The following CAMTA1 variants were observed in gnomAD, a reference collection of about 807,000 sequenced individuals.
The protein encoded by CAMTA1 is calmodulin-binding transcription activator 1.
A neutral mutation model predicts 170.9 loss-of-function variants in CAMTA1; 27 were observed. That is an observed-to-expected ratio of 0.16 (90% confidence interval 0.12 to 0.22). CAMTA1 has a LOEUF of 0.22. Ranked by LOEUF, CAMTA1 falls within the 10% of genes least tolerant of loss-of-function variation. CAMTA1 has a pLI of 1.00. For synonymous variants in CAMTA1, 833 were observed against 891.5 expected, an observed-to-expected ratio of 0.93 and a Z score of 1.17; for missense variants, 1,619 against 2,217.2, an observed-to-expected ratio of 0.73 and a Z score of 5.42.
At chr1:7,129,640 A>G (rs1558141896) in intron 4 of CAMTA1, among the ~76,000 whole-genome samples, 1 of 152,108 alleles carries the variant, frequency 6.6e-6, no homozygotes, top group Non-Finnish European at 1.5e-5. Context: ...TTATAGTTTT[A>G]TCAAGATGTA....
intron 3 of CAMTA1, among the ~76,000 whole-genome samples, chr1:6,955,327 C>T (rs1325160277): frequency 4.6e-5 from 7 of 152,158 alleles, no homozygotes; most frequent in East Asian, 1.9e-4. Context: ...TCTTCCCTGG[C>T]GCCAGAGGCA....
chr1:7,703,318 G>A (rs1248000385), intron 11 of CAMTA1, among the ~76,000 whole-genome samples: 3 of 152,136 alleles, frequency 2.0e-5, no homozygotes, highest in Non-Finnish European at 4.4e-5. Flanking sequence ...GGGCGGGCGA[G>A]GGGTAGACAG....
At chr1:7,553,437 T>G (rs1471921824) in intron 6 of CAMTA1, among the ~76,000 whole-genome samples, 1 of 152,208 alleles carries the variant, frequency 6.6e-6, no homozygotes, top group Admixed American at 6.5e-5. Flanking sequence ...CTGCCACGTG[T>G]AGGGGCTGAG....
intron 7 of CAMTA1, among the ~76,000 whole-genome samples, chr1:7,659,305 G>A (rs568970896): frequency 6.6e-6 from 1 of 152,206 alleles, no homozygotes; most frequent in Non-Finnish European, 1.5e-5. Flanking sequence ...GAGGCCAAAG[G>A]GGGGTGGATC....
chr1:7,113,472 G>A lies in CAMTA1; in HGVS notation c.302+22101G>A, dbSNP rs137920694. On this transcript the variant is annotated intron_variant, in intron 4 of 22. Transcript: ENST00000303635. The surrounding 1 kb of genome is among the most constrained non-coding windows in gnomAD (Gnocchi z 4.5). ...AGAGAAGGATCTAGGGGCCAGAGTG[G>A]CTCCCGGTCAGTGTCTAGGAATGGA... Among the ~76,000 whole-genome samples the A allele has an allele frequency of 1.4e-3, 207 of 152,286 alleles. 1 individual carries two copies. Among genetic ancestry groups the A allele is most frequent in the Non-Finnish European group, 2.2e-3 (153 of 68,026 alleles).
chr1:7,721,842 G>A (rs536597360), intron 11 of CAMTA1, among the ~76,000 whole-genome samples: 6 of 152,178 alleles, frequency 3.9e-5, no homozygotes, highest in African/African-American at 1.4e-4. Flanking sequence ...TTGAACTCCC[G>A]ACCTCAGGTG....
At chr1:7,270,804 G>T (rs1346281585) in intron 5 of CAMTA1, among the ~76,000 whole-genome samples, 5 of 152,192 alleles carry the variant, frequency 3.3e-5, no homozygotes, top group Non-Finnish European at 7.4e-5. Flanking sequence ...AACATAGTAA[G>T]ACCCTGTCTC....
Position 7,196,201 on chromosome 1 carries a change from T to G in CAMTA1, c.303-53290T>G, listed in dbSNP as rs1248917463. ...AAGTGTGTGGCACTTCCCCCTTAGCTCTCTCTCTCTCTCTCTCCTACTCCA... is the reference window on the plus strand; with the variant it reads ...AAGTGTGTGGCACTTCCCCCTTAGCGCTCTCTCTCTCTCTCTCCTACTCCA... On this transcript the variant is annotated intron_variant, in intron 4 of 22. Coordinates refer to ENST00000303635, the MANE Select transcript of CAMTA1 (RefSeq NM_015215.4). Among the ~76,000 whole-genome samples the G allele has an allele frequency of 2.7e-5, 4 of 150,922 alleles. No homozygotes were observed. The South Asian group carries it at 6.3e-4, about 24-fold the overall frequency.
rs12075812 is a variant in CAMTA1, at chr1:7,334,763, G to A, written c.438+85137G>A. On this transcript the variant is annotated intron_variant, in intron 5 of 22. Transcript: ENST00000303635. ...TGACGGTGTCTGAGGCCTTCCGGTC[G>A]CCTTTTCCTAGGCTGTCATTCGGTA... Among the ~76,000 whole-genome samples the A allele has an allele frequency of 6.0e-3, 908 of 152,226 alleles. 6 individuals carry two copies. Among genetic ancestry groups the A allele is most frequent in the African/African-American group, 0.02 (812 of 41,524 alleles).
At chr1:7,569,113 A>G (rs929772557) in intron 6 of CAMTA1, among the ~76,000 whole-genome samples, 2 of 151,348 alleles carry the variant, frequency 1.3e-5, no homozygotes, top group Non-Finnish European at 2.9e-5. Context: ...TGTCATCATC[A>G]CCACCATCAC....
Position 7,035,449 on chromosome 1 carries a change from T to A in CAMTA1, c.235-55855T>A, listed in dbSNP as rs897671738. On this transcript the variant is annotated intron_variant, in intron 3 of 22. Transcript: ENST00000303635. The stretch of plus-strand genomic sequence containing the variant: ...ATTGCTTCATTAAGGAATTCTAAAG[T>A]AAAACTGGCAAAGCGTGTGTGCATG... Among the ~76,000 whole-genome samples, 3 of 152,168 alleles carry A rather than the reference T, an allele frequency of 2.0e-5. No homozygotes were observed. The South Asian group carries it at 6.2e-4, about 31-fold the overall frequency.
chr1:7,367,185 G>C (rs1021779366), intron 5 of CAMTA1, among the ~76,000 whole-genome samples: 2 of 152,204 alleles, frequency 1.3e-5, no homozygotes, highest in Non-Finnish European at 2.9e-5. Flanking sequence ...CTGGCAAGGT[G>C]ACATTGAGTG....
rs997852048 is a variant in CAMTA1, at chr1:7,732,368, T to C, written c.2915-80T>C. 5 of 1,243,078 alleles carry C rather than the reference T, an allele frequency of 4.0e-6. No homozygotes were observed. The highest frequency in any genetic ancestry group is 5.9e-6 in the Non-Finnish European group (5 of 851,516). 77.0% of individuals were successfully genotyped at this position (1,243,078 alleles called of 1,614,324 possible). On this transcript the variant is annotated intron_variant, in intron 11 of 22. Transcript: ENST00000303635. The surrounding 1 kb of genome is among the most constrained non-coding windows in gnomAD (Gnocchi z 4.1). ...GTTACGGACGGCATTTGGATGCTGGTCCCGCAAGGCTGGCGAGGCCACGTG... is the reference window on the plus strand; with the variant it reads ...GTTACGGACGGCATTTGGATGCTGGCCCCGCAAGGCTGGCGAGGCCACGTG...
intron 5 of CAMTA1, among the ~76,000 whole-genome samples, chr1:7,335,680 C>G (rs763167): frequency 6.6e-6 from 1 of 151,674 alleles, no homozygotes; most frequent in African/African-American, 2.4e-5. Context: ...ATAGCATTCA[C>G]GCGTGTGTCC....
At chr1:7,698,333 TTG>T (rs1164393929) in intron 11 of CAMTA1, 1 of 152,218 alleles carries the variant, frequency 6.6e-6, no homozygotes, top group Non-Finnish European at 1.5e-5. Flanking sequence ...GTTTACGAAT[TTG>T]TGTTGGGCCA....
Position 7,455,825 on chromosome 1 carries a change from C to T in CAMTA1, c.439-12005C>T, listed in dbSNP as rs1023526246. Among the ~76,000 whole-genome samples, 5 of 152,242 alleles carry T rather than the reference C, an allele frequency of 3.3e-5. No homozygotes were observed. Among genetic ancestry groups the T allele is most frequent in the Non-Finnish European group, 7.3e-5 (5 of 68,046 alleles). The stretch of plus-strand genomic sequence containing the variant: ...GCAGCACTTGGCCCTCCGTGCCGTC[C>T]AGAATGGCCTCGGGGAGTGGGCTCC... On this transcript the variant is annotated intron_variant, in intron 5 of 22. Transcript: ENST00000303635. This position sits in a 1 kb window ranked among gnomAD's most constrained non-coding sequence, Gnocchi z 5.0.
At position 7,680,840 on chromosome 1, in the gene CAMTA1, ACACGCG is replaced by A. The variant is rs1354272410; in HGVS notation, c.2914+3109_2914+3114del. 7.8e-6 allele frequency among the ~76,000 whole-genome samples: 1 copy of A among 127,402 alleles called. No homozygotes were observed. The highest frequency in any genetic ancestry group is 2.9e-5 in the African/African-American group (1 of 34,910). 83.6% of individuals were successfully genotyped at this position (127,402 alleles called of 152,430 possible). A position where few individuals can be genotyped will look rare whatever the true frequency, so the allele number is the denominator to read the frequency against. ...GGGGCGTGGGTCCGGGGCGCAGAGA[ACACGCG>A]CGCGCGCGCGCGCGCCAGCAGCAGC... On this transcript the variant is annotated intron_variant, in intron 11 of 22. Coordinates refer to ENST00000303635, the MANE Select transcript of CAMTA1 (RefSeq NM_015215.4). This position sits in a 1 kb window ranked among gnomAD's most constrained non-coding sequence, Gnocchi z 4.4.
chr1:7,420,630 A>G (rs1360503137), intron 5 of CAMTA1, among the ~76,000 whole-genome samples: 3 of 152,022 alleles, frequency 2.0e-5, no homozygotes, highest in South Asian at 2.1e-4. Context: ...GGCTCTGTCA[A>G]TAAGTTTCTG....
intron 4 of CAMTA1, among the ~76,000 whole-genome samples, chr1:7,121,986 C>T (rs1376714737): frequency 4.6e-5 from 7 of 151,984 alleles, no homozygotes; most frequent in Non-Finnish European, 8.8e-5. Flanking sequence ...AGTCACTCCC[C>T]CTGGCTCCTC....
Sources: gnomAD v4.1 joint callset for allele counts (sites outside exome capture counted in the v4.1 genomes callset) on GRCh38, gnomAD v4.1.1 for gene constraint, Gnocchi (gnomAD v3.1) non-coding constraint, MANE v1.5 for transcripts, NCBI Gene and HGNC (gene_info 2026-07-23, HGNC 2026-07-21) for gene names.